PRKX: variants seen among roughly 807,000 people sequenced by gnomAD.
PRKX encodes cAMP-dependent protein kinase catalytic subunit PRKX.
Under a neutral mutation model 22.0 loss-of-function variants are expected in PRKX, and 12 were observed. The ratio of observed to expected loss-of-function variants is 0.54; its 90% confidence interval spans 0.35 to 0.88. PRKX has a LOEUF of 0.88. Among genes scored for constraint, PRKX ranks in the 40% least tolerant of loss-of-function variants. PRKX has a pLI of 0.01. For synonymous variants in PRKX, 134 were observed against 137.7 expected, an observed-to-expected ratio of 0.97 and a Z score of 0.19; for missense variants, 217 against 308.0, an observed-to-expected ratio of 0.70 and a Z score of 2.21.
chrX:3,692,911 T>A (rs1928363460), intron 1 of PRKX, among the ~76,000 whole-genome samples: 1 of 111,454 alleles, frequency 9.0e-6, no homozygotes, highest in African/African-American at 3.3e-5. Flanking sequence ...TTTGATTAGG[T>A]GTCGGCTTCT....
rs1280703151 is a variant in PRKX, at chrX:3,605,600, G to A, written c.*3369C>T. The A allele has an allele frequency of 9.2e-6, 1 of 108,145 alleles. No individual in the cohort carries two copies. The highest frequency in any genetic ancestry group is 3.2e-5 in the African/African-American group (1 of 30,792). The allele number at this position is 108,145 out of a possible 1,213,427, so 8.9% of individuals were successfully genotyped here. ...AACCACTCAACTGTTTAGTTCCACT[G>A]GTGATTTTTTTTAATGGACAGTGAT... On this transcript the variant is annotated 3_prime_UTR_variant, in exon 9 of 9. Coordinates refer to ENST00000262848, the MANE Select transcript of PRKX (RefSeq NM_005044.5).
Position 3,606,278 on chromosome X carries a change from T to C in PRKX, c.*2691A>G, listed in dbSNP as rs1043977580. ...TCCATACGGACATTCTGCACCGTGA[T>C]TGTTTCGTGATCATCCATGCGGACA... is the stretch of plus-strand genomic sequence containing the variant. On this transcript the variant is annotated 3_prime_UTR_variant, in exon 9 of 9. Transcript: ENST00000262848. 2 of 112,870 alleles carry C rather than the reference T, an allele frequency of 1.8e-5. No individual in the cohort carries two copies. Among genetic ancestry groups the C allele is most frequent in the African/African-American group, 6.4e-5 (2 of 31,090 alleles). The allele number at this position is 112,870 out of a possible 1,213,427, so 9.3% of individuals were successfully genotyped here.
Position 3,613,150 on chromosome X carries a change from C to CAAAAAAAAAA in PRKX, c.952-835_952-826dup, listed in dbSNP as rs528688936. On this transcript the variant is annotated intron_variant, in intron 7 of 8. Coordinates refer to ENST00000262848, the MANE Select transcript of PRKX (RefSeq NM_005044.5). ...TGGGCAACGGAGCAAGACTTCGTCTCAAAAAAAAAAAAAAAAAAAAAAAAA... is the reference window on the plus strand; with the variant it reads ...TGGGCAACGGAGCAAGACTTCGTCTCAAAAAAAAAAAAAAAAAAAAAAAAAAAAAAAAAAA... Among the ~76,000 whole-genome samples, 142 of 54,310 alleles carry CAAAAAAAAAA rather than the reference C, an allele frequency of 2.6e-3. 18 individuals are homozygous for CAAAAAAAAAA. The highest frequency in any genetic ancestry group is 4.6e-3 in the Non-Finnish European group (121 of 26,543). 47.2% of individuals were successfully genotyped at this position (54,310 alleles called of 115,157 possible).
At chrX:3,689,536 G>C (rs1928255937) in intron 1 of PRKX, among the ~76,000 whole-genome samples, 1 of 111,425 alleles carries the variant, frequency 9.0e-6, no homozygotes. Flanking sequence ...AAAATTAGCA[G>C]GGCGTGGTGG....
intron 4 of PRKX, among the ~76,000 whole-genome samples, chrX:3,639,537 G>A (rs1173844448): frequency 2.9e-5 from 2 of 69,692 alleles, no homozygotes; most frequent in Non-Finnish European, 5.9e-5. Flanking sequence ...GATGGATGAC[G>A]GGGTGGGTGG....
chrX:3,609,542 C>T (rs1184843500), intron 8 of PRKX, among the ~76,000 whole-genome samples: 1 of 111,640 alleles, frequency 9.0e-6, no homozygotes, highest in East Asian at 2.8e-4. Flanking sequence ...GCAGCCTCAA[C>T]TTTCCAGGCC....
intron 8 of PRKX, among the ~76,000 whole-genome samples, chrX:3,609,807 A>G (rs1005353146): frequency 4.5e-5 from 5 of 112,009 alleles, no homozygotes; most frequent in African/African-American, 1.6e-4. Context: ...TGTATCCACC[A>G]ATAGATGATG....
chrX:3,606,076 C>A lies in PRKX; in HGVS notation c.*2893G>T, dbSNP rs1039778400. The A allele has an allele frequency of 7.1e-5, 8 of 112,594 alleles. No individual in the cohort carries two copies. The highest frequency in any genetic ancestry group is 1.9e-4 in the African/African-American group (6 of 30,968). 9.3% of individuals were successfully genotyped at this position (112,594 alleles called of 1,213,427 possible). A position where few individuals can be genotyped will look rare whatever the true frequency, so the allele number is the denominator to read the frequency against. ...AAACAAGACTTGCCCCAATACACTTCTTCTTGTAACATATCCATGTCCTAT... is the reference window on the plus strand; with the variant it reads ...AAACAAGACTTGCCCCAATACACTTATTCTTGTAACATATCCATGTCCTAT... On this transcript the variant is annotated 3_prime_UTR_variant, in exon 9 of 9. Coordinates refer to ENST00000262848, the MANE Select transcript of PRKX (RefSeq NM_005044.5).
intron 1 of PRKX, among the ~76,000 whole-genome samples, chrX:3,705,806 C>T (rs11795518): frequency 0.065 from 6,952 of 107,446 alleles, 344 homozygotes; most frequent in African/African-American, 0.16. Context: ...GCTGCCTCAG[C>T]CTCCCCAGCA....
rs755498423 is a variant in PRKX at position 3,626,491 on chromosome X, T to A, written c.743A>T (p.Asn248Ile). ...LSGFPPFFDD[N>I]PFGIYQKILA... ...AATTTTCTGATAAATGCCAAACGGG[T>A]TGTCATCAAAAAACGGAGGAAACCT... Residue 248 changes from asparagine to isoleucine, a missense_variant, in exon 5 of 9, where the codon AAC becomes ATC. Coordinates refer to ENST00000262848, the MANE Select transcript of PRKX (RefSeq NM_005044.5). The A allele has an allele frequency of 8.3e-7, 1 of 1,208,564 alleles. No homozygotes were observed. Among genetic ancestry groups the A allele is most frequent in the East Asian group, 3.0e-5 (1 of 33,777 alleles).
At chrX:3,632,110 G>A (rs1448448945) in intron 4 of PRKX, among the ~76,000 whole-genome samples, 1 of 112,261 alleles carries the variant, frequency 8.9e-6, no homozygotes, top group Non-Finnish European at 1.9e-5. Context: ...AGTTACCAGA[G>A]AAAGGTAAAT....
At chrX:3,659,955 C>A (rs1927562420) in intron 2 of PRKX, among the ~76,000 whole-genome samples, 1 of 111,025 alleles carries the variant, frequency 9.0e-6, no homozygotes, top group Admixed American at 9.6e-5. Flanking sequence ...CCAGCACATA[C>A]CCACATTCCT....
Position 3,697,904 on chromosome X carries a change from C to T in PRKX, c.166+15184G>A, listed in dbSNP as rs138530714. ...CTGGGAACCCCAGCTGAGAGTCACA[C>T]AGAACATGCTTTCTGGAACAAGGGC... On this transcript the variant is annotated intron_variant, in intron 1 of 8. Coordinates refer to ENST00000262848, the MANE Select transcript of PRKX (RefSeq NM_005044.5). Among the ~76,000 whole-genome samples, 331 of 111,707 alleles carry T rather than the reference C, an allele frequency of 3.0e-3. 3 individuals carry two copies. The highest frequency in any genetic ancestry group is 0.01 in the African/African-American group (315 of 30,725).
At chrX:3,660,331 G>A (rs1192356300) in intron 2 of PRKX, among the ~76,000 whole-genome samples, 31 of 111,793 alleles carry the variant, frequency 2.8e-4, no homozygotes, top group Admixed American at 9.6e-4. Context: ...GAACATTTGG[G>A]GGTAACACTG....
intron 3 of PRKX, among the ~76,000 whole-genome samples, chrX:3,649,177 G>A (rs1218176461): frequency 1.8e-5 from 2 of 110,779 alleles, no homozygotes; most frequent in African/African-American, 3.3e-5. Flanking sequence ...TTCAAATTAG[G>A]GATGCTCACA....
chrX:3,692,505 C>T (rs1328017488), intron 1 of PRKX, among the ~76,000 whole-genome samples: 4 of 108,672 alleles, frequency 3.7e-5, no homozygotes, highest in African/African-American at 1.3e-4. Flanking sequence ...TGAATTGAGG[C>T]TATGGAGAGT....
At chrX:3,708,382 T>C (rs953172675) in intron 1 of PRKX, among the ~76,000 whole-genome samples, 1 of 111,117 alleles carries the variant, frequency 9.0e-6, no homozygotes, top group Non-Finnish European at 1.9e-5. Flanking sequence ...CTTGAGGCAT[T>C]AATAAGAACC....
At chrX:3,692,987 G>GA (rs1204134587) in intron 1 of PRKX, among the ~76,000 whole-genome samples, 2 of 109,942 alleles carry the variant, frequency 1.8e-5, no homozygotes, top group Admixed American at 9.7e-5. Flanking sequence ...TAGCTTTTGG[G>GA]AAAAAAAAGG....
At chrX:3,666,535 C>A (rs1301525336) in intron 2 of PRKX, among the ~76,000 whole-genome samples, 1 of 111,470 alleles carries the variant, frequency 9.0e-6, no homozygotes, top group Admixed American at 9.5e-5. Flanking sequence ...CTTTGAGAGG[C>A]CAAGGCAGGA....
Sources: gnomAD v4.1 joint callset for allele counts (sites outside exome capture counted in the v4.1 genomes callset) on GRCh38, gnomAD v4.1.1 for gene constraint, MANE v1.5 for transcripts, NCBI Gene and HGNC (gene_info 2026-07-23, HGNC 2026-07-21) for gene names.